Variants in UBE3C observed in about 807,000 individuals in gnomAD.
The protein encoded by UBE3C is ubiquitin-protein ligase E3C.
In UBE3C, 42 loss-of-function variants were observed where a neutral mutation model predicts 129.4. The ratio of observed to expected loss-of-function variants is 0.32; its 90% confidence interval spans 0.25 to 0.42. The LOEUF is 0.42. Among genes scored for constraint, UBE3C ranks in the 10% least tolerant of loss-of-function variants. The pLI, the probability that UBE3C is intolerant of heterozygous loss-of-function variation, is 1.00. For synonymous variants in UBE3C, 510 were observed against 492.4 expected, an observed-to-expected ratio of 1.04 and a Z score of -0.47; for missense variants, 1,049 against 1,319.1, an observed-to-expected ratio of 0.80 and a Z score of 3.17.
chr7:157,242,515 T>TTGG (rs376006095), intron 18 of UBE3C, among the ~76,000 whole-genome samples: 3 of 87,076 alleles, frequency 3.4e-5, no homozygotes, highest in South Asian at 6.6e-4. Flanking sequence ...GCCTGAGTTG[T>TTGG]TTTTTTTTTT....
intron 2 of UBE3C, among the ~76,000 whole-genome samples, chr7:157,167,137 G>T (rs1213072895): frequency 2.6e-5 from 4 of 151,990 alleles, no homozygotes; most frequent in African/African-American, 4.8e-5. Flanking sequence ...CACCATGTTG[G>T]CCAGGCTGGT....
intron 19 of UBE3C, among the ~76,000 whole-genome samples, chr7:157,249,151 T>C (rs1796556614): frequency 6.6e-6 from 1 of 152,140 alleles, no homozygotes; most frequent in South Asian, 2.1e-4. Flanking sequence ...GTTTTTAGTA[T>C]ATTCGTAGAG....
rs553733903 is a variant in UBE3C at position 157,210,133 on chromosome 7, C to T, written c.1809+2198C>T. ...CAGAGGTTGCAGTCAGCCGAGATAG[C>T]GCCACTGCACTCCAGCCTGGGCGGT... On this transcript the variant is annotated intron_variant, in intron 13 of 22. Coordinates refer to ENST00000348165, the MANE Select transcript of UBE3C (RefSeq NM_014671.3). Among the ~76,000 whole-genome samples the T allele has an allele frequency of 2.7e-3, 413 of 152,184 alleles. 4 individuals carry two copies. The highest frequency in any genetic ancestry group is 9.6e-3 in the African/African-American group (400 of 41,510).
chr7:157,225,181 T>C (rs1345724581), intron 16 of UBE3C, among the ~76,000 whole-genome samples: 3 of 152,118 alleles, frequency 2.0e-5, no homozygotes, highest in Non-Finnish European at 4.4e-5. Context: ...TTTTTAAAAT[T>C]TATTTTAAAC....
intron 17 of UBE3C, among the ~76,000 whole-genome samples, chr7:157,226,661 A>G (rs1258909867): frequency 1.3e-5 from 2 of 152,016 alleles, no homozygotes; most frequent in East Asian, 1.9e-4. Context: ...TAATTTTATC[A>G]TAATGTTGGA....
At chr7:157,186,705 G>A in intron 9 of UBE3C, 129 bp from the exon 10 acceptor site, 1 of 1,023,830 alleles carries the variant, frequency 9.8e-7, no homozygotes, top group Non-Finnish European at 1.4e-6. Flanking sequence ...GTACTGTGAT[G>A]TAGATAATTT....
In UBE3C at chr7:157,202,261, A is replaced by G. The variant is rs921182989; in HGVS notation, c.1418+454A>G. Among the ~76,000 whole-genome samples the G allele has an allele frequency of 1.1e-4, 17 of 152,228 alleles. 1 individual carries two copies. Among genetic ancestry groups the G allele is most frequent in the Admixed American group, 9.8e-4 (15 of 15,276 alleles). ...TAAAAAATATCATCTTTGACTTAAC[A>G]TATTTTAACTGAGTATGTAATAGGT... On this transcript the variant is annotated intron_variant, in intron 11 of 22. Coordinates refer to ENST00000348165, the MANE Select transcript of UBE3C (RefSeq NM_014671.3).
rs770338188 is a variant in UBE3C, at chr7:157,207,479, T to C, written c.1500T>C (p.Phe500=). 4.1e-5 allele frequency: 66 copies of C among 1,613,840 alleles called. No homozygotes were observed. The highest frequency in any genetic ancestry group is 2.2e-4 in the Admixed American group (13 of 59,964). ...ATTCTAGTCGAATCATCCCACTCTT[T>C]TATCTTTTTAGCTCCTTGTTTAGTC... ...FEDSSRIIPL[F]YLFSSLFSHS... is the part of the protein sequence containing the mutation. The change falls in exon 12 of 23, where the codon TTT becomes TTC. Residue 500 remains phenylalanine (F), a synonymous_variant. Transcript: ENST00000348165.
intron 1 of UBE3C, among the ~76,000 whole-genome samples, chr7:157,163,243 C>T (rs956294477): frequency 6.6e-5 from 10 of 151,916 alleles, no homozygotes; most frequent in Non-Finnish European, 1.3e-4. Flanking sequence ...AAAAATTAGC[C>T]GGGCGTGGTG....
chr7:157,175,137 C>CTT (rs56852731), intron 5 of UBE3C, 103 bp downstream of exon 5: 4,980 of 250,264 alleles, frequency 0.02, 28 homozygotes, highest in Non-Finnish European at 0.023. Context: ...CTTTTCCATA[C>CTT]TTTTTTTTTT....
At chr7:157,208,066 T>A in intron 13 of UBE3C, 131 bp downstream of exon 13, 1 of 343,290 alleles carries the variant, frequency 2.9e-6, no homozygotes, top group Non-Finnish European at 4.3e-6. Context: ...TTTTTTTTTT[T>A]TTTTTTTTTT....
At chr7:157,253,510 A>G (rs1563076053) in intron 19 of UBE3C, among the ~76,000 whole-genome samples, 1 of 152,258 alleles carries the variant, frequency 6.6e-6, no homozygotes, top group Non-Finnish European at 1.5e-5. Flanking sequence ...GTGGAAGCAC[A>G]CAGGTAAGTG....
At chr7:157,247,843 AC>A (rs143704281) in intron 18 of UBE3C, among the ~76,000 whole-genome samples, 1 of 151,886 alleles carries the variant, frequency 6.6e-6, no homozygotes, top group African/African-American at 2.4e-5. Flanking sequence ...ATGAACTGGG[AC>A]CCCCCAAAAC....
chr7:157,224,792 A>ACTCT (rs56922114), intron 16 of UBE3C, among the ~76,000 whole-genome samples: 3 of 139,284 alleles, frequency 2.2e-5, no homozygotes, highest in South Asian at 2.3e-4. Context: ...ACACACACAC[A>ACTCT]CTCTCTCTCT....
rs71538010 is a variant in UBE3C, at chr7:157,200,015, C to T, written c.1332-1706C>T. On this transcript the variant is annotated intron_variant, in intron 10 of 22. Coordinates refer to ENST00000348165, the MANE Select transcript of UBE3C (RefSeq NM_014671.3). Reference sequence around the variant, plus strand: ...GCAGTGTGCCCCCACTTTGTCATGGCGTGTGACTGATAAACATCATGCATG... The same window carrying T: ...GCAGTGTGCCCCCACTTTGTCATGGTGTGTGACTGATAAACATCATGCATG... Among the ~76,000 whole-genome samples, 570 of 151,610 alleles carry T rather than the reference C, an allele frequency of 3.8e-3. 1 individual carries two copies. Among genetic ancestry groups the T allele is most frequent in the Non-Finnish European group, 6.6e-3 (449 of 68,012 alleles).
At chr7:157,267,531 T>A in intron 22 of UBE3C, 54 bp from the exon 23 acceptor site, 1 of 1,598,396 alleles carries the variant, frequency 6.3e-7, no homozygotes, top group African/African-American at 1.3e-5. Context: ...GTATTAAAAC[T>A]CATGTAATGC....
At chr7:157,244,328 CTTTG>C (rs1796421169) in intron 18 of UBE3C, among the ~76,000 whole-genome samples, 1 of 152,182 alleles carries the variant, frequency 6.6e-6, no homozygotes, top group East Asian at 1.9e-4. Context: ...ACTGAAGGGA[CTTTG>C]TTTTTCAATT....
At chr7:157,212,403 C>T (rs890399662) in intron 13 of UBE3C, among the ~76,000 whole-genome samples, 2 of 152,166 alleles carry the variant, frequency 1.3e-5, no homozygotes, top group Non-Finnish European at 2.9e-5. Context: ...ACAGAAATGT[C>T]ACAATTTAGG....
chr7:157,264,733 G>A (rs569741955), intron 22 of UBE3C, among the ~76,000 whole-genome samples: 7 of 152,182 alleles, frequency 4.6e-5, no homozygotes, highest in South Asian at 2.1e-4. Flanking sequence ...CACTACAGCC[G>A]GCTAATTTTT....
Sources: allele counts gnomAD v4.1 joint callset (sites outside exome capture counted in the v4.1 genomes callset), GRCh38; gene constraint gnomAD v4.1.1; transcripts MANE v1.5; gene names NCBI Gene and HGNC (gene_info 2026-07-23, HGNC 2026-07-21).